Variants in SOBP observed in about 807,000 individuals in gnomAD.
SOBP encodes sine oculis binding protein homolog, also known as sine oculis-binding protein homolog.
Under a neutral mutation model 53.6 loss-of-function variants are expected in SOBP, and 4 were observed. The ratio of observed to expected loss-of-function variants is 0.07; its 90% CI spans 0.04 to 0.17. The LOEUF is 0.17. Among genes scored for constraint, SOBP ranks in the 10% least tolerant of loss-of-function variants. The pLI, the probability that SOBP is intolerant of heterozygous loss-of-function variation, is 1.00. For missense variants in SOBP, 1,088 were observed against 1,204.7 expected (o/e 0.90, Z 1.43); for synonymous variants, 584 against 522.6 (o/e 1.12, Z -1.60).
chr6:107,621,017 G>A, intron 5 of SOBP: 1 of 203,290 alleles, frequency 4.9e-6, no homozygotes, highest in Non-Finnish European at 8.7e-6. Flanking sequence ...ACTGACAACT[G>A]ATATGTAATT....
At chr6:107,573,509 A>G (rs568770029) in intron 4 of SOBP, among the ~76,000 whole-genome samples, 1 of 152,290 alleles carries the variant, frequency 6.6e-6, no homozygotes, top group African/African-American at 2.4e-5. Flanking sequence ...AATTTCTGAA[A>G]TGGATGTTGT....
intron 4 of SOBP, among the ~76,000 whole-genome samples, chr6:107,584,264 A>C (rs892075435): frequency 2.6e-5 from 4 of 151,882 alleles, no homozygotes; most frequent in Admixed American, 6.6e-5. Context: ...AAAAAAAAAA[A>C]AAAAAAACAC....
intron 4 of SOBP, among the ~76,000 whole-genome samples, chr6:107,558,546 G>A (rs1784683848): frequency 6.6e-6 from 1 of 152,092 alleles, no homozygotes; most frequent in South Asian, 2.1e-4. Context: ...GGGATTACAG[G>A]TGTGAGCCAC....
At chr6:107,646,386 A>G (rs1395920126) in intron 6 of SOBP, among the ~76,000 whole-genome samples, 1 of 152,230 alleles carries the variant, frequency 6.6e-6, no homozygotes, top group Non-Finnish European at 1.5e-5. Context: ...CCAGATGGCC[A>G]CAGAAACAGA....
intron 6 of SOBP, among the ~76,000 whole-genome samples, chr6:107,657,177 A>C (rs991342969): frequency 6.6e-6 from 1 of 152,240 alleles, no homozygotes; most frequent in Non-Finnish European, 1.5e-5. Context: ...GGCTGCTCCC[A>C]GAACTGACTG....
chr6:107,570,824 T>G (rs1194800658), intron 4 of SOBP, among the ~76,000 whole-genome samples: 1 of 152,274 alleles, frequency 6.6e-6, no homozygotes, highest in Non-Finnish European at 1.5e-5. Flanking sequence ...TAGGTCCATA[T>G]CTCAACTTTC....
intron 5 of SOBP, among the ~76,000 whole-genome samples, chr6:107,595,936 G>T (rs1433122852): frequency 6.6e-6 from 1 of 152,176 alleles, no homozygotes; most frequent in Non-Finnish European, 1.5e-5. Flanking sequence ...GTATTTCATT[G>T]CATTTTGGCT....
chr6:107,624,489 A>G (rs1360682153), intron 5 of SOBP, among the ~76,000 whole-genome samples: 1 of 152,214 alleles, frequency 6.6e-6, no homozygotes, highest in Admixed American at 6.5e-5. Flanking sequence ...GAGATTTGGA[A>G]GAGGAGTTGA....
chr6:107,616,095 C>CG (rs1554187937), intron 5 of SOBP, among the ~76,000 whole-genome samples: 13 of 19,652 alleles, frequency 6.6e-4, no homozygotes, highest in South Asian at 1.1e-3. Flanking sequence ...GGGGGGGGGG[C>CG]GGGGGGGCGG....
At chr6:107,622,037 A>T (rs183419105) in intron 5 of SOBP, among the ~76,000 whole-genome samples, 200 of 152,346 alleles carry the variant, frequency 1.3e-3, no homozygotes, top group Non-Finnish European at 2.3e-3. Flanking sequence ...AAGTAAGAGT[A>T]GAGTATAGGT....
intron 3 of SOBP, among the ~76,000 whole-genome samples, chr6:107,511,954 C>G (rs550586779): frequency 6.6e-6 from 1 of 152,192 alleles, no homozygotes; most frequent in South Asian, 2.1e-4. Flanking sequence ...TTCCCCCTCC[C>G]CCGCCCCCAT....
intron 4 of SOBP, among the ~76,000 whole-genome samples, chr6:107,554,894 G>C (rs1784565218): frequency 6.6e-6 from 1 of 152,194 alleles, no homozygotes. Context: ...CTGTTATTCT[G>C]TGAGCCTGGC....
intron 4 of SOBP, among the ~76,000 whole-genome samples, chr6:107,550,449 A>G (rs1784430608): frequency 6.6e-6 from 1 of 152,210 alleles, no homozygotes. Context: ...AACAAGCAAT[A>G]TTGAGCATCC....
intron 3 of SOBP, among the ~76,000 whole-genome samples, chr6:107,523,212 A>C (rs1021351781): frequency 6.6e-6 from 1 of 152,186 alleles, no homozygotes; most frequent in Non-Finnish European, 1.5e-5. Flanking sequence ...ATTTCTTGTT[A>C]GTGTTGCCCT....
In SOBP at chr6:107,508,743, A is replaced by T. The variant is rs371378400; in HGVS notation, c.421+2316A>T. Among the ~76,000 whole-genome samples the T allele has an allele frequency of 3.9e-5, 6 of 152,272 alleles. No individual in the cohort carries two copies. In the East Asian group the frequency reaches 1.2e-3, roughly 29 times the overall value. On this transcript the variant is annotated intron_variant, in intron 3 of 6. Coordinates refer to ENST00000317357, the MANE Select transcript of SOBP (RefSeq NM_018013.4). ...TTGTGCCCCTGTTCTCCTTTGGTTG[A>T]TTGTTTTGTGATACGGAGGGGTCCA...
intron 5 of SOBP, among the ~76,000 whole-genome samples, chr6:107,615,652 T>C (rs1786758788): frequency 1.3e-5 from 2 of 152,076 alleles, no homozygotes; most frequent in South Asian, 2.1e-4. Context: ...AAAAATCTGA[T>C]TGTGAGAATC....
At chr6:107,642,246 A>G (rs1771359565) in intron 6 of SOBP, among the ~76,000 whole-genome samples, 1 of 149,032 alleles carries the variant, frequency 6.7e-6, no homozygotes. Flanking sequence ...CACAGCACAG[A>G]AAAAAAAAAT....
intron 3 of SOBP, among the ~76,000 whole-genome samples, 195 bp from the exon 4 acceptor site, chr6:107,533,264 T>C (rs1783887888): frequency 1.1e-5 from 1 of 92,502 alleles, no homozygotes; most frequent in Non-Finnish European, 1.9e-5. Flanking sequence ...TTTGGAAACT[T>C]AGGAGCCAAA....
In SOBP at chr6:107,634,565, G is replaced by A; in HGVS notation, c.1721G>A (p.Gly574Asp). The A allele has an allele frequency of 2.5e-6, 4 of 1,606,536 alleles. No homozygotes were observed. Among genetic ancestry groups the A allele is most frequent in the Non-Finnish European group, 3.4e-6 (4 of 1,179,744 alleles). ...PNAPGDSAAAGGKPSGHSLSP... is the reference protein window; with the variant it reads ...PNAPGDSAAADGKPSGHSLSP... ...GCCCCTGGCGACTCCGCGGCGGCGG[G>A]CGGCAAGCCAAGCGGACACTCCCTG... Residue 574 changes from glycine (G) to aspartate (D), a missense_variant, in exon 6 of 7, where the codon GGC (glycine) becomes GAC (aspartate). Physicochemically the swap from Gly to Asp is moderately conservative, Grantham distance 94. This residue lies in a region of SOBP where 665 missense variants were observed against 629.7 expected (regional missense o/e 1.06). Transcript: ENST00000317357. This position sits in a 1 kb window ranked among gnomAD's most constrained non-coding sequence, Gnocchi z 4.5.
Sources: allele counts gnomAD v4.1 joint callset (sites outside exome capture counted in the v4.1 genomes callset), GRCh38; gene constraint gnomAD v4.1.1; regional missense constraint gnomAD v4.1.1; non-coding constraint Gnocchi (gnomAD v3.1); transcripts MANE v1.5; gene names NCBI Gene and HGNC (gene_info 2026-07-23, HGNC 2026-07-21).